Variants in EIF4G3 observed in about 807,000 individuals in gnomAD.
The protein encoded by EIF4G3 is eukaryotic translation initiation factor 4 gamma 3.
In EIF4G3, 34 loss-of-function variants were observed where a neutral mutation model predicts 186.4. The ratio of observed to expected loss-of-function variants is 0.18; its 90% CI spans 0.14 to 0.24. The LOEUF (loss-of-function observed/expected upper bound fraction) is 0.24. Ranked by LOEUF, EIF4G3 falls within the 10% of genes least tolerant of loss-of-function variation. The probability of loss-of-function intolerance (pLI) is 1.00; values close to 1 mark genes in which losing one functional copy is unlikely to be tolerated. For synonymous variants in EIF4G3, 673 were observed against 679.5 expected (o/e 0.99, Z 0.15); for missense variants, 1,536 against 1,948.5 (o/e 0.79, Z 3.99).
rs1165319300 is a variant in EIF4G3, at chr1:20,864,077, C to A, written c.3006+399G>T. 2.6e-5 allele frequency among the ~76,000 whole-genome samples: 4 copies of A among 152,222 alleles called. No individual in the cohort carries two copies. In the East Asian group the frequency reaches 7.7e-4, roughly 29 times the overall value. ...ATTATTACAGTATTTTTAATGATTTCTTATATTATGGTTAGATGGCTGTGT... is the reference window on the plus strand; with the variant it reads ...ATTATTACAGTATTTTTAATGATTTATTATATTATGGTTAGATGGCTGTGT... On this transcript the variant is annotated intron_variant, in intron 22 of 36. Coordinates refer to ENST00000602326, the MANE Select transcript of EIF4G3 (RefSeq NM_001391906.1).
Position 21,029,638 on chromosome 1 carries a change from CAA to C in EIF4G3, c.-67+21226_-67+21227del, listed in dbSNP as rs889006626. Among the ~76,000 whole-genome samples, 5 of 151,798 alleles carry C rather than the reference CAA, an allele frequency of 3.3e-5. No individual in the cohort carries two copies. The South Asian group carries it at 6.3e-4, about 19-fold the overall frequency. On this transcript the variant is annotated intron_variant, in intron 4 of 36. Coordinates refer to ENST00000602326, the MANE Select transcript of EIF4G3 (RefSeq NM_001391906.1). ...AACCATTAGTTTGATTTTTTTAAAA[CAA>C]AGAGAACTAGTGGTTTTATAAAAAT... is the stretch of plus-strand genomic sequence containing the variant.
chr1:20,819,659 G>T (rs1202134464), intron 33 of EIF4G3, among the ~76,000 whole-genome samples: 1 of 152,014 alleles, frequency 6.6e-6, no homozygotes, highest in African/African-American at 2.4e-5. Flanking sequence ...ACATAGAGGG[G>T]AACAACACAC....
At chr1:21,118,642 T>G (rs1370323075) in intron 2 of EIF4G3, among the ~76,000 whole-genome samples, 1 of 151,742 alleles carries the variant, frequency 6.6e-6, no homozygotes, top group Non-Finnish European at 1.5e-5. Flanking sequence ...AAAAATCAGC[T>G]GGGTATGGTG....
intron 4 of EIF4G3, among the ~76,000 whole-genome samples, chr1:21,017,668 C>T (rs1462840802): frequency 1.4e-5 from 2 of 147,594 alleles, no homozygotes; most frequent in Non-Finnish European, 3.0e-5. Context: ...GTTTAGTGTC[C>T]TTAATCCAAA....
Position 20,981,054 on chromosome 1 carries a change from T to C in EIF4G3, c.372A>G (p.Ile124Met). 1 of 1,593,588 alleles carries C rather than the reference T, an allele frequency of 6.3e-7. No individual in the cohort carries two copies. Among genetic ancestry groups the C allele is most frequent in the Non-Finnish European group, 8.6e-7 (1 of 1,168,784 alleles). ...GGCCTCAAAGATACTTTACCTGTGG[T>C]ATACAGTACTGAGGCCCCTGGGGCA... The part of the protein sequence containing the change: ...YPVPQGPQYC[I>M]PQYRHSGPPY... The change falls in exon 9 of 37, where the codon ATA becomes ATG. Residue 124 changes from isoleucine to methionine, a missense_variant. Ile to Met is a conservative substitution (Grantham distance 10). Coordinates refer to ENST00000602326, the MANE Select transcript of EIF4G3 (RefSeq NM_001391906.1).
chr1:21,117,736 T>TAAAAAAAAAAAAAA lies in EIF4G3; in HGVS notation c.-271-28537_-271-28524dup, dbSNP rs71014156. On this transcript the variant is annotated intron_variant, in intron 2 of 36. Coordinates refer to ENST00000602326, the MANE Select transcript of EIF4G3 (RefSeq NM_001391906.1). ...GGCCTTTCACTGTCCCAGTATATAG[T>TAAAAAAAAAAAAAA]AAAAAAAAAAAAAAAAAAAAAAAAA... Among the ~76,000 whole-genome samples, 196 of 73,050 alleles carry TAAAAAAAAAAAAAA rather than the reference T, an allele frequency of 2.7e-3. 3 individuals carry two copies. The highest frequency in any genetic ancestry group is 6.8e-3 in the African/African-American group (142 of 20,814). 47.9% of individuals were successfully genotyped at this position (73,050 alleles called of 152,430 possible). A position where few individuals can be genotyped will look rare whatever the true frequency, so the allele number is the denominator to read the frequency against.
chr1:20,928,047 G>A (rs976340110), intron 14 of EIF4G3, among the ~76,000 whole-genome samples: 1 of 151,666 alleles, frequency 6.6e-6, no homozygotes, highest in Admixed American at 6.6e-5. Context: ...TTGTAGGGAC[G>A]AAAGGTCTCC....
At chr1:21,174,446 C>A (rs1429731404) in intron 2 of EIF4G3, among the ~76,000 whole-genome samples, 2 of 152,192 alleles carry the variant, frequency 1.3e-5, no homozygotes, top group Non-Finnish European at 2.9e-5. Context: ...AGGACACCTA[C>A]TACAGGTTTC....
At chr1:20,955,069 T>C (rs889800770) in intron 12 of EIF4G3, among the ~76,000 whole-genome samples, 4 of 152,124 alleles carry the variant, frequency 2.6e-5, no homozygotes, top group African/African-American at 9.7e-5. Context: ...GTAAGAGGGA[T>C]GCAGAAAGAA....
chr1:20,930,988 G>T (rs2095283571), intron 14 of EIF4G3, among the ~76,000 whole-genome samples: 1 of 151,620 alleles, frequency 6.6e-6, no homozygotes, highest in African/African-American at 2.4e-5. Context: ...CTACAGGCGT[G>T]CGCCACTGCA....
intron 2 of EIF4G3, among the ~76,000 whole-genome samples, chr1:21,146,270 C>T (rs546185509): frequency 1.8e-3 from 272 of 152,208 alleles, no homozygotes; most frequent in Non-Finnish European, 3.2e-3. Flanking sequence ...GCAGGAAAAT[C>T]GCTTGAGCCC....
chr1:21,026,095 A>G (rs539757313), intron 4 of EIF4G3, among the ~76,000 whole-genome samples: 2 of 152,216 alleles, frequency 1.3e-5, no homozygotes, highest in African/African-American at 4.8e-5. Flanking sequence ...TGGATAGCCA[A>G]AACAATAGCT....
At chr1:21,049,991 T>G (rs1282593612) in intron 4 of EIF4G3, among the ~76,000 whole-genome samples, 1 of 152,236 alleles carries the variant, frequency 6.6e-6, no homozygotes. Context: ...GCATTATTTT[T>G]AGTAATTCCT....
intron 4 of EIF4G3, chr1:21,004,076 T>C (rs1017632947): frequency 6.4e-6 from 1 of 157,246 alleles, no homozygotes; most frequent in Non-Finnish European, 1.4e-5. Flanking sequence ...ATGAGAAAAC[T>C]TGCTATTGCT....
At chr1:21,166,860 C>A (rs1252603023) in intron 2 of EIF4G3, among the ~76,000 whole-genome samples, 1 of 152,104 alleles carries the variant, frequency 6.6e-6, no homozygotes, top group Non-Finnish European at 1.5e-5. Flanking sequence ...TGGCTCACTG[C>A]AGCCTTAACC....
intron 14 of EIF4G3, among the ~76,000 whole-genome samples, chr1:20,939,656 G>C (rs1166478209): frequency 6.6e-6 from 1 of 152,008 alleles, no homozygotes. Context: ...TATTTCCTAT[G>C]ATTGTTTTGT....
At chr1:21,056,188 T>C (rs897290653) in intron 3 of EIF4G3, among the ~76,000 whole-genome samples, 1 of 152,198 alleles carries the variant, frequency 6.6e-6, no homozygotes, top group Non-Finnish European at 1.5e-5. Flanking sequence ...TCCTTTGGTA[T>C]CAGATATTCT....
chr1:21,010,330 G>C (rs2086622587), intron 4 of EIF4G3, among the ~76,000 whole-genome samples: 2 of 147,464 alleles, frequency 1.4e-5, no homozygotes, highest in Admixed American at 1.4e-4. Flanking sequence ...TGAGGCAGAA[G>C]AATCAGTTGA....
At chr1:21,013,423 G>T (rs2087812096) in intron 4 of EIF4G3, among the ~76,000 whole-genome samples, 1 of 152,168 alleles carries the variant, frequency 6.6e-6, no homozygotes, top group Admixed American at 6.5e-5. Context: ...AAGTTGGGAG[G>T]AATCCACCTA....
Sources: allele counts gnomAD v4.1 joint callset (sites outside exome capture counted in the v4.1 genomes callset), GRCh38; gene constraint gnomAD v4.1.1; transcripts MANE v1.5; gene names NCBI Gene and HGNC (gene_info 2026-07-23, HGNC 2026-07-21).